GABRG2: variants seen among roughly 807,000 people sequenced by gnomAD.
GABRG2 encodes the protein gamma-aminobutyric acid type A receptor subunit gamma2.
In GABRG2, 16 loss-of-function variants were observed where a neutral mutation model predicts 56.4. The ratio of observed to expected loss-of-function variants is 0.28; its 90% CI spans 0.19 to 0.43. GABRG2 has a LOEUF of 0.43. GABRG2 is among the 20% of genes least tolerant of loss of function. The probability of loss-of-function intolerance (pLI) is 1.00; values close to 1 mark genes in which losing one functional copy is unlikely to be tolerated. For missense variants in GABRG2, 327 were observed against 582.7 expected, an observed-to-expected ratio of 0.56 and a Z score of 4.52; for synonymous variants, 208 against 205.5, an observed-to-expected ratio of 1.01 and a Z score of -0.10.
At chr5:162,127,165 C>G (rs1160425484) in intron 6 of GABRG2, among the ~76,000 whole-genome samples, 1 of 151,880 alleles carries the variant, frequency 6.6e-6, no homozygotes, top group East Asian at 1.9e-4. Context: ...GCTCATAACT[C>G]TTGTTAAGAA....
intron 6 of GABRG2, among the ~76,000 whole-genome samples, chr5:162,105,605 A>AT (rs1277560203): frequency 6.6e-6 from 1 of 150,592 alleles, no homozygotes; most frequent in Non-Finnish European, 1.5e-5. Flanking sequence ...AATTTTTTGT[A>AT]TTTTTTAGTA....
chr5:162,069,990 A>C (rs997847035), intron 1 of GABRG2, among the ~76,000 whole-genome samples: 1 of 152,144 alleles, frequency 6.6e-6, no homozygotes, highest in African/African-American at 2.4e-5. Flanking sequence ...TGTCTAACTT[A>C]ATAGATAAAA....
At chr5:162,117,958 G>A (rs554899344) in intron 6 of GABRG2, among the ~76,000 whole-genome samples, 6 of 152,172 alleles carry the variant, frequency 3.9e-5, no homozygotes, top group East Asian at 3.9e-4. Context: ...ACCGTGTTAC[G>A]CGCTTCACTA....
At chr5:162,145,336 T>A (rs573423737) in intron 7 of GABRG2, among the ~76,000 whole-genome samples, 8 of 152,314 alleles carry the variant, frequency 5.3e-5, no homozygotes, top group Admixed American at 3.9e-4. Context: ...TTGGTACTTG[T>A]CACCTAACTG....
intron 1 of GABRG2, among the ~76,000 whole-genome samples, chr5:162,090,817 A>T (rs892140821): frequency 2.6e-5 from 4 of 152,108 alleles, no homozygotes; most frequent in Non-Finnish European, 5.9e-5. Flanking sequence ...CTATCCACTC[A>T]ACTGTTGAGT....
upstream of GABRG2, chr5:162,067,611 A>G (rs1184874563): frequency 6.1e-5 from 29 of 476,978 alleles, no homozygotes; most frequent in Non-Finnish European, 8.8e-5. Context: ...CAAATAAATA[A>G]CCCCAAAGAG....
chr5:162,114,820 A>G (rs908837455), intron 6 of GABRG2, among the ~76,000 whole-genome samples: 3 of 152,196 alleles, frequency 2.0e-5, no homozygotes, highest in African/African-American at 7.2e-5. Flanking sequence ...ATTTTGAATA[A>G]AAATAAAATT....
At chr5:162,109,704 T>C (rs1217161741) in intron 6 of GABRG2, among the ~76,000 whole-genome samples, 1 of 151,992 alleles carries the variant, frequency 6.6e-6, no homozygotes, top group African/African-American at 2.4e-5. Flanking sequence ...TGGAATGCTA[T>C]TATATATATT....
At chr5:162,071,927 A>T (rs757842832) in intron 1 of GABRG2, among the ~76,000 whole-genome samples, 22 of 152,018 alleles carry the variant, frequency 1.4e-4, no homozygotes, top group Admixed American at 3.3e-4. Flanking sequence ...GAAAAAAAAA[A>T]TAAAGAAAAA....
chr5:162,087,843 C>G (rs1237360983), intron 1 of GABRG2, among the ~76,000 whole-genome samples: 1 of 152,030 alleles, frequency 6.6e-6, no homozygotes, highest in South Asian at 2.1e-4. Context: ...ATAAAGTAAA[C>G]AATTTGCATT....
intron 7 of GABRG2, among the ~76,000 whole-genome samples, chr5:162,147,611 A>G (rs986752105): frequency 2.0e-5 from 3 of 152,010 alleles, no homozygotes; most frequent in South Asian, 2.1e-4. Flanking sequence ...TGATCCACCC[A>G]CCTCGGCCTC....
chr5:162,140,053 T>C (rs1317635862), intron 6 of GABRG2, among the ~76,000 whole-genome samples: 2 of 152,188 alleles, frequency 1.3e-5, no homozygotes, highest in African/African-American at 4.8e-5. Context: ...CCAAACTAAT[T>C]TATGAAATGC....
chr5:162,141,917 T>C (rs1464074121), intron 6 of GABRG2, among the ~76,000 whole-genome samples: 2 of 152,122 alleles, frequency 1.3e-5, no homozygotes, highest in Non-Finnish European at 2.9e-5. Flanking sequence ...GAAGAAAATA[T>C]GATCAGTATG....
chr5:162,084,078 G>A (rs1235879598), intron 1 of GABRG2, among the ~76,000 whole-genome samples: 1 of 151,722 alleles, frequency 6.6e-6, no homozygotes, highest in Admixed American at 6.6e-5. Flanking sequence ...TGCCAAGCTT[G>A]CTCTTGTTCT....
rs2272600 is a variant in GABRG2 at position 162,141,934 on chromosome 5, A to T, written c.770-230A>T. The stretch of plus-strand genomic sequence containing the variant: ...AGAAAATATGATCAGTATGCTAAAA[A>T]TGTTTCCTTCCATCTAGTAGACAAA... On this transcript the variant is annotated intron_variant, in intron 6 of 9. Coordinates refer to ENST00000639213, the MANE Select transcript of GABRG2 (RefSeq NM_198904.4). 0.14 allele frequency among the ~76,000 whole-genome samples: 20,923 copies of T among 152,120 alleles called. 2,040 individuals are homozygous for T. Among genetic ancestry groups the T allele is most frequent in the Admixed American group, 0.3 (4,635 of 15,264 alleles).
intron 1 of GABRG2, among the ~76,000 whole-genome samples, chr5:162,089,772 G>A: frequency 6.6e-6 from 1 of 151,996 alleles, no homozygotes; most frequent in Admixed American, 6.6e-5. Context: ...ACAGACAAAT[G>A]CCTTTATTTC....
intron 6 of GABRG2, among the ~76,000 whole-genome samples, chr5:162,110,972 T>G (rs1762210766): frequency 6.6e-6 from 1 of 152,122 alleles, no homozygotes; most frequent in African/African-American, 2.4e-5. Context: ...TTTCCCTCCT[T>G]GGGATGAAAG....
intron 8 of GABRG2, chr5:162,149,754 T>G: frequency 2.4e-6 from 1 of 424,408 alleles, no homozygotes; most frequent in Non-Finnish European, 4.6e-6. Context: ...GCTGGGACTA[T>G]AGGCACACGC....
chr5:162,142,791 C>T (rs1764675783), intron 7 of GABRG2: 1 of 254,902 alleles, frequency 3.9e-6, no homozygotes, highest in African/African-American at 2.2e-5. Context: ...GGAGATATAC[C>T]TAATGTTAAA....
Sources: allele counts gnomAD v4.1 joint callset (sites outside exome capture counted in the v4.1 genomes callset), GRCh38; gene constraint gnomAD v4.1.1; transcripts MANE v1.5; gene names NCBI Gene and HGNC (gene_info 2026-07-23, HGNC 2026-07-21).